The following MYH10 variants were observed in gnomAD, a reference collection of about 807,000 sequenced individuals.
MYH10 encodes the protein myosin-10.
Under a neutral mutation model 257.8 loss-of-function variants are expected in MYH10, and 55 were observed. That is an observed-to-expected ratio of 0.21 (90% confidence interval 0.17 to 0.27). The LOEUF (loss-of-function observed/expected upper bound fraction) is 0.27. Ranked by LOEUF, MYH10 falls within the 10% of genes least tolerant of loss-of-function variation. The pLI is 1.00. For synonymous variants in MYH10, 854 were observed against 921.7 expected (o/e 0.93, Z 1.33); for missense variants, 1,631 against 2,500.6 (o/e 0.65, Z 7.42).
At chr17:8,510,093 C>T (rs2081212866) in intron 24 of MYH10, 144 bp from the exon 25 acceptor site, 4 of 800,908 alleles carry the variant, frequency 5.0e-6, no homozygotes. Flanking sequence ...GGCTGAAGTG[C>T]AGTGGTGCCA....
rs185209448 is a variant in MYH10 at position 8,520,199 on chromosome 17, A to G, written c.2273+679T>C. 4.7e-3 allele frequency among the ~76,000 whole-genome samples: 716 copies of G among 152,316 alleles called. 4 individuals are homozygous for G. The highest frequency in any genetic ancestry group is 0.016 in the African/African-American group (666 of 41,564). On this transcript the variant is annotated intron_variant, in intron 19 of 42. Coordinates refer to ENST00000360416, the MANE Select transcript of MYH10 (RefSeq NM_001256012.3). Reference sequence around the variant, plus strand: ...TTCCTAAAAGGAACATACATTACTCATCTATTTAAAAAATCAATTTTAAAA... The same window carrying G: ...TTCCTAAAAGGAACATACATTACTCGTCTATTTAAAAAATCAATTTTAAAA...
At chr17:8,581,204 G>C (rs1263447034) in intron 4 of MYH10, among the ~76,000 whole-genome samples, 1 of 152,100 alleles carries the variant, frequency 6.6e-6, no homozygotes, top group Non-Finnish European at 1.5e-5. Flanking sequence ...TAAAGAATCT[G>C]GGTTTTATTC....
At chr17:8,576,472 T>C (rs1254062789) in intron 6 of MYH10, among the ~76,000 whole-genome samples, 171 bp downstream of exon 6, 2 of 152,204 alleles carry the variant, frequency 1.3e-5, no homozygotes, top group Non-Finnish European at 2.9e-5. Flanking sequence ...CAAAACGGCA[T>C]GCGCTTCTCA....
At chr17:8,566,795 C>A (rs1327286410) in intron 7 of MYH10, among the ~76,000 whole-genome samples, 1 of 152,200 alleles carries the variant, frequency 6.6e-6, no homozygotes, top group Admixed American at 6.5e-5. Flanking sequence ...TCTGTCCAAA[C>A]ACTAAAATAA....
At position 8,546,526 on chromosome 17, in the gene MYH10, A is replaced by G; in HGVS notation, c.1278+18T>C. 1 of 1,592,338 alleles carries G rather than the reference A, an allele frequency of 6.3e-7. No individual in the cohort carries two copies. Among genetic ancestry groups the G allele is most frequent in the South Asian group, 1.1e-5 (1 of 90,104 alleles). Reference sequence around the variant, plus strand: ...ATCATTCAAACAAATCAGTAATAACAATGAACATGAAACCTACCTGTTCTT... The same window carrying G: ...ATCATTCAAACAAATCAGTAATAACGATGAACATGAAACCTACCTGTTCTT... On this transcript the variant is annotated intron_variant, in intron 12 of 42. Transcript: ENST00000360416.
chr17:8,546,755 T>C, intron 11 of MYH10, 93 bp from the exon 12 acceptor site: 2 of 833,128 alleles, frequency 2.4e-6, no homozygotes, highest in Non-Finnish European at 1.9e-6. Context: ...TTAGTAACAA[T>C]TAAATTGTAT....
chr17:8,565,448 T>C (rs1481231070), intron 7 of MYH10, among the ~76,000 whole-genome samples: 1 of 152,232 alleles, frequency 6.6e-6, no homozygotes, highest in Admixed American at 6.5e-5. Flanking sequence ...TTTAGTACTG[T>C]GTAGGTAACA....
In MYH10 at chr17:8,561,196, T is replaced by A; in HGVS notation, c.757-7178A>T. 1.5e-5 allele frequency: 11 copies of A among 720,870 alleles called. No homozygotes were observed. The South Asian group carries it at 1.6e-4, about 11-fold the overall frequency. The allele number at this position is 720,870 out of a possible 1,614,324, so 44.7% of individuals were successfully genotyped here. A position where few individuals can be genotyped will look rare whatever the true frequency, so the allele number is the denominator to read the frequency against. On this transcript the variant is annotated intron_variant, in intron 7 of 42. Transcript: ENST00000360416. ...AGGAGAAATGGGAGAAAATTAAGAT[T>A]TGGGGCCTCTCCTCTCCGGTCCGTG... is the stretch of plus-strand genomic sequence containing the variant.
At chr17:8,573,730 A>G in intron 6 of MYH10, 1 of 615,012 alleles carries the variant, frequency 1.6e-6, no homozygotes, top group Non-Finnish European at 2.0e-6. Context: ...AAAGTACACC[A>G]AAAGTTCATA....
intron 2 of MYH10, among the ~76,000 whole-genome samples, chr17:8,610,050 C>G (rs919803134): frequency 6.6e-6 from 1 of 151,758 alleles, no homozygotes; most frequent in Non-Finnish European, 1.5e-5. Context: ...TGCACAATGC[C>G]CATCACTATT....
chr17:8,486,504 T>TG (rs1914797250), intron 36 of MYH10, among the ~76,000 whole-genome samples: 1 of 136,378 alleles, frequency 7.3e-6, no homozygotes, highest in South Asian at 2.2e-4. Context: ...ACTCTATCTC[T>TG]GGGAAAAAAA....
chr17:8,586,403 T>C (rs1482932329), intron 4 of MYH10, among the ~76,000 whole-genome samples: 1 of 152,174 alleles, frequency 6.6e-6, no homozygotes, highest in African/African-American at 2.4e-5. Flanking sequence ...GAAGGACTGA[T>C]GGATGACAGA....
intron 2 of MYH10, among the ~76,000 whole-genome samples, chr17:8,610,742 C>G (rs60097784): frequency 0.038 from 5,741 of 152,248 alleles, 368 homozygotes; most frequent in African/African-American, 0.13. Flanking sequence ...CAAGAAGGCC[C>G]CACCAGATGC....
intron 9 of MYH10, among the ~76,000 whole-genome samples, chr17:8,551,170 A>G (rs2082632960): frequency 6.6e-6 from 1 of 151,554 alleles, no homozygotes; most frequent in African/African-American, 2.4e-5. Flanking sequence ...TTAAAAAAAA[A>G]AAAAAAGAAT....
chr17:8,488,083 A>T (rs1282166005), intron 35 of MYH10, among the ~76,000 whole-genome samples: 1 of 152,000 alleles, frequency 6.6e-6, no homozygotes, highest in Non-Finnish European at 1.5e-5. Flanking sequence ...GAAAGGGGGG[A>T]GCAGTCAAAG....
Position 8,613,219 on chromosome 17 carries a change from G to A in MYH10, c.346-8237C>T, listed in dbSNP as rs561805449. Among the ~76,000 whole-genome samples the A allele has an allele frequency of 1.7e-4, 26 of 152,200 alleles. No homozygotes were observed. In the South Asian group the frequency reaches 4.8e-3, roughly 28 times the overall value. Reference sequence around the variant, plus strand: ...TTAAAAGAAAACAACCGCCGGCTCTGAATTCCAAATCCAGCAAAAACCAAA... The same window carrying A: ...TTAAAAGAAAACAACCGCCGGCTCTAAATTCCAAATCCAGCAAAAACCAAA... On this transcript the variant is annotated intron_variant, in intron 2 of 42. Coordinates refer to ENST00000360416, the MANE Select transcript of MYH10 (RefSeq NM_001256012.3).
Position 8,554,034 on chromosome 17 carries a change from A to G in MYH10, c.757-16T>C. The G allele has an allele frequency of 6.2e-7, 1 of 1,600,022 alleles. No individual in the cohort carries two copies. The highest frequency in any genetic ancestry group is 8.6e-7 in the Non-Finnish European group (1 of 1,167,894). On this transcript the variant is annotated splice_polypyrimidine_tract_variant and intron_variant, in intron 7 of 42. Transcript: ENST00000360416. ...TAAATTTGCCCTGAAAATAAATTAA[A>G]AAGAGAAAATTGAAAATAAGTAAGT...
chr17:8,571,058 G>T (rs1413850789), intron 6 of MYH10, among the ~76,000 whole-genome samples: 2 of 152,164 alleles, frequency 1.3e-5, no homozygotes, highest in African/African-American at 4.8e-5. Context: ...AAGCTACGTG[G>T]ATGTCATTAC....
intron 26 of MYH10, among the ~76,000 whole-genome samples, 162 bp downstream of exon 26, chr17:8,508,392 C>G (rs1404120154): frequency 6.6e-6 from 1 of 152,144 alleles, no homozygotes; most frequent in Non-Finnish European, 1.5e-5. Context: ...CCTGAGACAC[C>G]GTGCCCAGCC....
Sources: allele counts gnomAD v4.1 joint callset (sites outside exome capture counted in the v4.1 genomes callset), GRCh38; gene constraint gnomAD v4.1.1; transcripts MANE v1.5; gene names NCBI Gene and HGNC (gene_info 2026-07-23, HGNC 2026-07-21).